IL1RAPL2: variants seen among roughly 807,000 people sequenced by gnomAD.
IL1RAPL2 encodes X-linked interleukin-1 receptor accessory protein-like 2.
IL1RAPL2 carries 3 observed loss-of-function variants against 44.1 expected under a neutral mutation model. That is an observed-to-expected ratio of 0.07 (90% confidence interval 0.03 to 0.18). IL1RAPL2 has a LOEUF of 0.18. Ranked by LOEUF, IL1RAPL2 falls within the 10% of genes least tolerant of loss-of-function variation. IL1RAPL2 has a pLI of 1.00. For missense variants in IL1RAPL2, 391 were observed against 496.4 expected (o/e 0.79, Z 2.02); for synonymous variants, 181 against 178.8 (o/e 1.01, Z -0.10).
At chrX:104,909,187 A>C (rs1444779601) in intron 2 of IL1RAPL2, among the ~76,000 whole-genome samples, 9 of 111,593 alleles carry the variant, frequency 8.1e-5, no homozygotes, top group Non-Finnish European at 1.5e-4. Context: ...CTTGGTTTTC[A>C]GCTCCATCAG....
chrX:105,234,255 A>G (rs782327508), intron 4 of IL1RAPL2, among the ~76,000 whole-genome samples: 17 of 112,263 alleles, frequency 1.5e-4, no homozygotes, highest in Middle Eastern at 4.6e-3. Context: ...GCATATAAGA[A>G]CTAATGGGAA....
chrX:105,442,344 G>T (rs1229357125), intron 5 of IL1RAPL2, among the ~76,000 whole-genome samples: 3 of 111,238 alleles, frequency 2.7e-5, no homozygotes, highest in Non-Finnish European at 5.7e-5. Flanking sequence ...GATTACAGGT[G>T]TGAGCCACCG....
chrX:105,614,391 G>C (rs576135985), intron 6 of IL1RAPL2, among the ~76,000 whole-genome samples: 7 of 111,943 alleles, frequency 6.3e-5, no homozygotes, highest in African/African-American at 2.3e-4. Flanking sequence ...TAATGCAGGA[G>C]TCACATTATC....
intron 2 of IL1RAPL2, among the ~76,000 whole-genome samples, chrX:104,885,962 G>A (rs914721153): frequency 3.5e-5 from 4 of 112,719 alleles, no homozygotes; most frequent in Non-Finnish European, 5.6e-5. Context: ...CCGGGCAAGC[G>A]CCAGCTCATG....
At chrX:104,823,854 C>A (rs1479391717) in intron 2 of IL1RAPL2, among the ~76,000 whole-genome samples, 1 of 112,177 alleles carries the variant, frequency 8.9e-6, no homozygotes, top group Non-Finnish European at 1.9e-5. Context: ...TTGAATTCCT[C>A]TCTTCCTATT....
intron 6 of IL1RAPL2, among the ~76,000 whole-genome samples, chrX:105,711,765 A>G (rs976764387): frequency 8.9e-6 from 1 of 111,896 alleles, no homozygotes; most frequent in African/African-American, 3.3e-5. Context: ...GAAGGTATCT[A>G]CTTCCAAAAT....
intron 3 of IL1RAPL2, among the ~76,000 whole-genome samples, chrX:105,210,415 C>A (rs1556156607): frequency 9.0e-6 from 1 of 111,201 alleles, no homozygotes; most frequent in African/African-American, 3.3e-5. Flanking sequence ...CCTGAGCCTA[C>A]CCTCCCTAGG....
intron 1 of IL1RAPL2, among the ~76,000 whole-genome samples, chrX:104,614,029 G>A (rs1929220941): frequency 9.1e-6 from 1 of 110,107 alleles, no homozygotes; most frequent in African/African-American, 3.3e-5. Flanking sequence ...TTATGGGTTG[G>A]TTGTAATTTT....
chrX:105,676,478 T>C (rs904720391), intron 6 of IL1RAPL2, among the ~76,000 whole-genome samples: 7 of 111,773 alleles, frequency 6.3e-5, no homozygotes, highest in African/African-American at 2.0e-4. Context: ...TTTTCCTTGA[T>C]GGCATCAGAC....
intron 2 of IL1RAPL2, among the ~76,000 whole-genome samples, chrX:105,108,198 T>A (rs1462344286): frequency 8.9e-6 from 1 of 111,948 alleles, no homozygotes; most frequent in African/African-American, 3.2e-5. Context: ...ATCCTACAGG[T>A]ATGTTAAACT....
intron 1 of IL1RAPL2, among the ~76,000 whole-genome samples, chrX:104,655,405 C>T (rs1930235405): frequency 2.7e-5 from 3 of 111,412 alleles, no homozygotes; most frequent in South Asian, 7.7e-4. Flanking sequence ...TTGTTGAAGG[C>T]CTCTTCTGCA....
At chrX:105,198,144 A>G (rs781786235) in intron 3 of IL1RAPL2, among the ~76,000 whole-genome samples, 1 of 111,732 alleles carries the variant, frequency 8.9e-6, no homozygotes, top group South Asian at 3.7e-4. Context: ...TATCCAGTCT[A>G]CCGTTGATGG....
rs111917561 is a variant in IL1RAPL2 at position 104,936,566 on chromosome X, T to C, written c.83-258909T>C. Among the ~76,000 whole-genome samples the C allele has an allele frequency of 3.1e-3, 342 of 109,224 alleles. 2 individuals are homozygous for C. The highest frequency in any genetic ancestry group is 0.011 in the African/African-American group (325 of 29,949). 94.8% of individuals were successfully genotyped at this position (109,224 alleles called of 115,157 possible). A position where few individuals can be genotyped will look rare whatever the true frequency, so the allele number is the denominator to read the frequency against. On this transcript the variant is annotated intron_variant, in intron 2 of 10. Transcript: ENST00000372582. ...TATAGAAGCAAAAATATTTCACAGG[T>C]ACTAAAATATCACTGGAGATATAAG... is the stretch of plus-strand genomic sequence containing the variant.
chrX:105,696,608 G>A (rs752043060), intron 6 of IL1RAPL2, among the ~76,000 whole-genome samples: 1 of 111,688 alleles, frequency 9.0e-6, no homozygotes, highest in South Asian at 3.8e-4. Flanking sequence ...CTGGCCAAAT[G>A]GACTGGAGTT....
At chrX:105,293,116 C>CAAAAAAAAAA (rs10566162) in intron 5 of IL1RAPL2, among the ~76,000 whole-genome samples, 1 of 50,853 alleles carries the variant, frequency 2.0e-5, no homozygotes, top group African/African-American at 5.8e-5. Context: ...CGACTCTGTC[C>CAAAAAAAAAA]AAAAAAAAAA....
At chrX:104,750,609 G>T (rs1932242076) in intron 2 of IL1RAPL2, among the ~76,000 whole-genome samples, 1 of 111,007 alleles carries the variant, frequency 9.0e-6, no homozygotes, top group Non-Finnish European at 1.9e-5. Context: ...GAGGAGGTTA[G>T]TTCAGAACAA....
intron 6 of IL1RAPL2, among the ~76,000 whole-genome samples, chrX:105,658,490 C>T (rs1017329046): frequency 8.9e-6 from 1 of 111,885 alleles, no homozygotes; most frequent in East Asian, 2.8e-4. Context: ...AAATAAATAA[C>T]TCTTTAATAT....
intron 2 of IL1RAPL2, among the ~76,000 whole-genome samples, chrX:104,720,279 C>T (rs1013131976): frequency 2.7e-5 from 3 of 111,230 alleles, no homozygotes; most frequent in African/African-American, 9.8e-5. Context: ...ACAATGGCAT[C>T]GCAAATTTTC....
At position 104,801,762 on chromosome X, in the gene IL1RAPL2, C is replaced by A. The variant is rs1283900988; in HGVS notation, c.82+142767C>A. 3.6e-5 allele frequency among the ~76,000 whole-genome samples: 4 copies of A among 111,597 alleles called. No individual in the cohort carries two copies. In the East Asian group the frequency reaches 1.1e-3, roughly 32 times the overall value. ...CATGTAATTGGTACTCAGAACACAGCTATCCAAGCCTTTCTTTATAGTTTC... is the reference window on the plus strand; with the variant it reads ...CATGTAATTGGTACTCAGAACACAGATATCCAAGCCTTTCTTTATAGTTTC... On this transcript the variant is annotated intron_variant, in intron 2 of 10. Transcript: ENST00000372582.
Sources: allele counts gnomAD v4.1 joint callset (sites outside exome capture counted in the v4.1 genomes callset), GRCh38; gene constraint gnomAD v4.1.1; transcripts MANE v1.5; gene names NCBI Gene and HGNC (gene_info 2026-07-23, HGNC 2026-07-21).